LAMA3: variants seen among roughly 807,000 people sequenced by gnomAD.
LAMA3 encodes the protein laminin subunit alpha-3.
In LAMA3, 281 loss-of-function variants were observed where a neutral mutation model predicts 402.0. The observed-to-expected ratio is 0.70, with a 90% confidence interval of 0.63 to 0.77. LAMA3 has a LOEUF of 0.77. LAMA3 is among the 30% of genes least tolerant of loss of function. LAMA3 has a pLI of 0.00. For missense variants in LAMA3, 3,840 were observed against 4,215.5 expected, an observed-to-expected ratio of 0.91 and a Z score of 2.47; for synonymous variants, 1,431 against 1,558.4, an observed-to-expected ratio of 0.92 and a Z score of 1.93.
intron 72 of LAMA3, among the ~76,000 whole-genome samples, chr18:23,951,327 T>C (rs375560023): frequency 2.0e-5 from 3 of 152,202 alleles, no homozygotes; most frequent in African/African-American, 7.2e-5. Context: ...ACATCTCACA[T>C]ATCCTTCCAT....
At chr18:23,797,852 T>A (rs1203500045) in intron 12 of LAMA3, among the ~76,000 whole-genome samples, 1 of 152,222 alleles carries the variant, frequency 6.6e-6, no homozygotes, top group East Asian at 1.9e-4. Context: ...CAATGCAGTA[T>A]TTTTTTCATT....
At chr18:23,789,168 A>G (rs1360527337) in intron 12 of LAMA3, among the ~76,000 whole-genome samples, 1 of 152,140 alleles carries the variant, frequency 6.6e-6, no homozygotes, top group Non-Finnish European at 1.5e-5. Context: ...AAGGCAGGCA[A>G]TAACAAGCGT....
chr18:23,702,589 A>AGT (rs1462314289), intron 1 of LAMA3, among the ~76,000 whole-genome samples: 1 of 152,168 alleles, frequency 6.6e-6, no homozygotes, highest in Non-Finnish European at 1.5e-5. Context: ...GGTCTCCCAA[A>AGT]GTGTTGAGAT....
At chr18:23,926,875 C>T (rs12456706) in intron 62 of LAMA3, among the ~76,000 whole-genome samples, 3 of 152,124 alleles carry the variant, frequency 2.0e-5, no homozygotes, top group African/African-American at 4.8e-5. Flanking sequence ...ACTAACTTGA[C>T]GATCTCACAT....
intron 20 of LAMA3, 43 bp downstream of exon 20, chr18:23,822,418 A>G: frequency 6.3e-7 from 1 of 1,590,132 alleles, no homozygotes; most frequent in Non-Finnish European, 8.6e-7. Flanking sequence ...TTCAATTAAG[A>G]AATAAATAGT....
intron 32 of LAMA3, among the ~76,000 whole-genome samples, chr18:23,850,417 G>A (rs775439957): frequency 6.6e-6 from 1 of 152,122 alleles, no homozygotes; most frequent in African/African-American, 2.4e-5. Flanking sequence ...CTGAGCCTTC[G>A]ACTCACCTTT....
At position 23,783,995 on chromosome 18, in the gene LAMA3, C is replaced by G. The variant is rs752274343; in HGVS notation, c.1469-28C>G. The G allele has an allele frequency of 2.6e-5, 42 of 1,613,670 alleles. No individual in the cohort carries two copies. The East Asian group carries it at 3.8e-4, about 15-fold the overall frequency. On this transcript the variant is annotated intron_variant, in intron 11 of 74. Transcript: ENST00000313654. ...AAGAAAGTGATGGAAGATGGAGACCCCTTCTGAAAGTTTCCTGTCTTCTGC... is the reference window on the plus strand; with the variant it reads ...AAGAAAGTGATGGAAGATGGAGACCGCTTCTGAAAGTTTCCTGTCTTCTGC...
At chr18:23,771,511 G>C (rs2062197767) in intron 8 of LAMA3, among the ~76,000 whole-genome samples, 1 of 152,164 alleles carries the variant, frequency 6.6e-6, no homozygotes, top group South Asian at 2.1e-4. Context: ...CATTTGTCTT[G>C]ACTCAGTGGA....
intron 7 of LAMA3, among the ~76,000 whole-genome samples, chr18:23,761,589 T>C (rs1035036259): frequency 1.7e-4 from 26 of 152,326 alleles, no homozygotes; most frequent in Middle Eastern, 3.4e-3. Flanking sequence ...AGATAATTCA[T>C]GTAAAGCACT....
chr18:23,953,325 G>GT (rs60412950), intron 74 of LAMA3, among the ~76,000 whole-genome samples: 64 of 133,972 alleles, frequency 4.8e-4, no homozygotes, highest in Middle Eastern at 3.8e-3. Context: ...CTGTAATTTT[G>GT]TTTTTTTTTT....
intron 1 of LAMA3, among the ~76,000 whole-genome samples, chr18:23,708,291 C>T (rs779515928): frequency 1.3e-5 from 2 of 152,150 alleles, no homozygotes; most frequent in Non-Finnish European, 2.9e-5. Flanking sequence ...AGCCCCGATT[C>T]CTTGAAGGGC....
chr18:23,831,601 A>G (rs1173173897), intron 23 of LAMA3, among the ~76,000 whole-genome samples: 1 of 152,068 alleles, frequency 6.6e-6, no homozygotes, highest in African/African-American at 2.4e-5. Flanking sequence ...CATTATTCAC[A>G]TGTAGTTTTA....
intron 12 of LAMA3, among the ~76,000 whole-genome samples, chr18:23,798,612 G>C (rs1182384483): frequency 6.6e-6 from 1 of 152,182 alleles, no homozygotes; most frequent in Non-Finnish European, 1.5e-5. Flanking sequence ...CTGAAGCCAA[G>C]TTTTGTGCAG....
chr18:23,761,163 C>T (rs2061960229), intron 7 of LAMA3, among the ~76,000 whole-genome samples: 1 of 152,132 alleles, frequency 6.6e-6, no homozygotes, highest in Admixed American at 6.6e-5. Context: ...CATGTTTTCC[C>T]AATCATTAAA....
intron 41 of LAMA3, among the ~76,000 whole-genome samples, chr18:23,887,976 GGAA>G (rs2080497202): frequency 1.3e-5 from 2 of 152,338 alleles, no homozygotes; most frequent in South Asian, 4.1e-4. Flanking sequence ...GCAAGAGTAA[GGAA>G]GAAGTAGAAT....
chr18:23,912,599 A>G (rs987540659), intron 55 of LAMA3, 112 bp from the exon 56 acceptor site: 17 of 865,044 alleles, frequency 2.0e-5, no homozygotes, highest in Non-Finnish European at 2.9e-5. Context: ...GCTCCTTATC[A>G]TAACAACTCA....
chr18:23,791,401 G>C (rs1032060798), intron 12 of LAMA3, among the ~76,000 whole-genome samples: 7 of 152,020 alleles, frequency 4.6e-5, no homozygotes, highest in African/African-American at 1.7e-4. Context: ...GGGATCTTTT[G>C]TGGGGGGAAA....
intron 62 of LAMA3, among the ~76,000 whole-genome samples, chr18:23,926,420 C>A (rs1221949985): frequency 6.6e-6 from 1 of 152,204 alleles, no homozygotes; most frequent in African/African-American, 2.4e-5. Context: ...AATAGGCAAG[C>A]TCCAGGAATG....
intron 52 of LAMA3, among the ~76,000 whole-genome samples, chr18:23,906,700 C>A (rs1451444550): frequency 6.6e-6 from 1 of 151,888 alleles, no homozygotes; most frequent in Non-Finnish European, 1.5e-5. Flanking sequence ...AATAAAATAC[C>A]AAAAAAGTAC....
Sources: gnomAD v4.1 joint callset for allele counts (sites outside exome capture counted in the v4.1 genomes callset) on GRCh38, gnomAD v4.1.1 for gene constraint, MANE v1.5 for transcripts, NCBI Gene and HGNC (gene_info 2026-07-23, HGNC 2026-07-21) for gene names.